OSGIN1: variants seen among roughly 807,000 people sequenced by gnomAD.
OSGIN1 encodes oxidative stress induced growth inhibitor 1.
A neutral mutation model predicts 20.1 loss-of-function variants in OSGIN1; 19 were observed. That is an observed-to-expected ratio of 0.95 (90% CI 0.66 to 1.39). The LOEUF (loss-of-function observed/expected upper bound fraction) is 1.39. OSGIN1 is among the 40% of genes most tolerant of loss of function. The pLI is 0.00. For synonymous variants in OSGIN1, 368 were observed against 297.8 expected, an observed-to-expected ratio of 1.24 and a Z score of -2.43; for missense variants, 820 against 653.0, an observed-to-expected ratio of 1.26 and a Z score of -2.79.
At chr16:83,956,598 C>A (rs574485200) in intron 1 of OSGIN1, among the ~76,000 whole-genome samples, 2 of 152,320 alleles carry the variant, frequency 1.3e-5, no homozygotes, top group East Asian at 3.9e-4. Flanking sequence ...CTGTGTGACA[C>A]TGAGAAGTTT....
Position 83,953,247 on chromosome 16 carries a change from C to G in OSGIN1, c.-156C>G, listed in dbSNP as rs1206881280. The G allele has an allele frequency of 1.6e-6, 2 of 1,285,526 alleles. No homozygotes were observed. The highest frequency in any genetic ancestry group is 5.6e-5 in the East Asian group (1 of 17,908). 79.6% of individuals were successfully genotyped at this position (1,285,526 alleles called of 1,614,324 possible). On this transcript the variant is annotated 5_prime_UTR_variant, in exon 1 of 6. Transcript: ENST00000393306. ...ACTTCCCTCTGGCCTCTCAGAGCCT[C>G]TTGGATCCCCACAGGGTAATGGGTG...
At position 83,966,041 on chromosome 16, in the gene OSGIN1, A is replaced by G; in HGVS notation, c.*34A>G. ...CAGACCCGCTGGCTCCCAGGCCCTG[A>G]GAGGACAGAGATGACCACATCCCTG... is the stretch of plus-strand genomic sequence containing the variant. On this transcript the variant is annotated 3_prime_UTR_variant, in exon 6 of 6. Transcript: ENST00000393306. 6.9e-7 allele frequency: 1 copy of G among 1,442,096 alleles called. No individual in the cohort carries two copies. Among genetic ancestry groups the G allele is most frequent in the Non-Finnish European group, 9.2e-7 (1 of 1,083,688 alleles). The allele number at this position is 1,442,096 out of a possible 1,614,324, so 89.3% of individuals were successfully genotyped here. A position where few individuals can be genotyped will look rare whatever the true frequency, so the allele number is the denominator to read the frequency against.
rs575292233 is a variant in OSGIN1 at position 83,956,286 on chromosome 16, G to C, written c.-32-1354G>C. ...CTGCACACATCAGAGGCCACACACT[G>C]GTCTCAGCTGTGTTTGGTTGGCCTT... On this transcript the variant is annotated intron_variant, in intron 1 of 5. Coordinates refer to ENST00000393306, the MANE Select transcript of OSGIN1 (RefSeq NM_182981.3). Among the ~76,000 whole-genome samples, 5 of 152,338 alleles carry C rather than the reference G, an allele frequency of 3.3e-5. No homozygotes were observed. In the South Asian group the frequency reaches 1.0e-3, roughly 32 times the overall value.
In OSGIN1 at chr16:83,960,634, T is replaced by C. The variant is rs759820408; in HGVS notation, c.270T>C (p.Asp90=). 10 of 1,613,576 alleles carry C rather than the reference T, an allele frequency of 6.2e-6. No homozygotes were observed. The highest frequency in any genetic ancestry group is 7.6e-6 in the Non-Finnish European group (9 of 1,180,016). ...RSQSPVALLF[D]ALLRPDTDFG... is the part of the protein sequence containing the mutation. Reference sequence around the variant, plus strand: ...AAAGCCCCGTGGCCCTGCTCTTTGATGCCCTTCTACGCCCAGACACAGACT... The same window carrying C: ...AAAGCCCCGTGGCCCTGCTCTTTGACGCCCTTCTACGCCCAGACACAGACT... Residue 90 remains aspartate (D), a synonymous_variant, in exon 4 of 6, where the codon GAT becomes GAC. Transcript: ENST00000393306.
chr16:83,959,461 T>C, intron 3 of OSGIN1, 65 bp downstream of exon 3: 3 of 1,475,490 alleles, frequency 2.0e-6, no homozygotes, highest in Non-Finnish European at 2.7e-6. Context: ...TACCGCCGCT[T>C]TCCCAGGGAA....
rs775924318 is a variant in OSGIN1 at position 83,965,053 on chromosome 16, C to A, written c.489-9C>A. 2.0e-6 allele frequency: 3 copies of A among 1,495,952 alleles called. No individual in the cohort carries two copies. Among genetic ancestry groups the A allele is most frequent in the Admixed American group, 1.8e-5 (1 of 55,618 alleles). The allele number at this position is 1,495,952 out of a possible 1,614,324, so 92.7% of individuals were successfully genotyped here. ...GTCTGACTCTGGCGTCCTGCATCCTCCCCAACAGAGGTCTTCGCAACAGCC... is the reference window on the plus strand; with the variant it reads ...GTCTGACTCTGGCGTCCTGCATCCTACCCAACAGAGGTCTTCGCAACAGCC... On this transcript the variant is annotated splice_polypyrimidine_tract_variant and intron_variant, in intron 5 of 5. Transcript: ENST00000393306.
intron 1 of OSGIN1, among the ~76,000 whole-genome samples, chr16:83,957,340 AC>A (rs1238226608): frequency 1.3e-5 from 2 of 152,034 alleles, no homozygotes; most frequent in African/African-American, 2.4e-5. Context: ...GGGGACTGTT[AC>A]TGCCCCAGTG....
intron 3 of OSGIN1, among the ~76,000 whole-genome samples, 186 bp downstream of exon 3, chr16:83,959,582 G>A (rs1326344148): frequency 6.6e-6 from 1 of 152,186 alleles, no homozygotes; most frequent in Non-Finnish European, 1.5e-5. Context: ...AATGCCACAC[G>A]ATCTAGGGCT....
chr16:83,962,131 AT>A (rs1225839458), intron 5 of OSGIN1, among the ~76,000 whole-genome samples: 2 of 151,890 alleles, frequency 1.3e-5, no homozygotes, highest in African/African-American at 4.8e-5. Flanking sequence ...CTCCTGGGGT[AT>A]TTTTTCCCCA....
intron 5 of OSGIN1, among the ~76,000 whole-genome samples, chr16:83,963,874 G>A (rs896382005): frequency 2.0e-5 from 3 of 152,226 alleles, no homozygotes; most frequent in Non-Finnish European, 4.4e-5. Context: ...GAATGGGCCT[G>A]CAGTCACTGC....
chr16:83,965,852 A>G lies in OSGIN1; in HGVS notation c.1279A>G (p.Ile427Val), dbSNP rs2084274351. ...GCCGCTGAGCGCCAAGAGGAACCCC[A>G]TTGACGTGGACCCCTTCACCTACCA... ...DQPLSAKRNP[I>V]DVDPFTYQST... Residue 427 changes from isoleucine to valine, a missense_variant, in exon 6 of 6, where the codon ATT (isoleucine) becomes GTT (valine). Coordinates refer to ENST00000393306, the MANE Select transcript of OSGIN1 (RefSeq NM_182981.3). 1 of 1,612,922 alleles carries G rather than the reference A, an allele frequency of 6.2e-7. No homozygotes were observed. Among genetic ancestry groups the G allele is most frequent in the Non-Finnish European group, 8.5e-7 (1 of 1,179,988 alleles).
chr16:83,960,065 A>G (rs2151076917), intron 3 of OSGIN1, among the ~76,000 whole-genome samples: 1 of 152,250 alleles, frequency 6.6e-6, no homozygotes, highest in African/African-American at 2.4e-5. Context: ...AGATGAGGAA[A>G]TAGGTCTTGA....
chr16:83,960,039 C>T (rs1364734903), intron 3 of OSGIN1, among the ~76,000 whole-genome samples: 1 of 152,178 alleles, frequency 6.6e-6, no homozygotes, highest in African/African-American at 2.4e-5. Context: ...CTGTTCCCTT[C>T]CCGCCCCTGA....
chr16:83,961,952 C>G (rs1170824656), intron 5 of OSGIN1, among the ~76,000 whole-genome samples: 1 of 147,236 alleles, frequency 6.8e-6, no homozygotes. Flanking sequence ...GGGTGACTTT[C>G]TTTTTTCTTT....
chr16:83,953,631 G>T (rs1220876396), intron 1 of OSGIN1, among the ~76,000 whole-genome samples: 2 of 152,232 alleles, frequency 1.3e-5, no homozygotes, highest in Non-Finnish European at 2.9e-5. Flanking sequence ...CACAGTCCCA[G>T]CGTACCCTGG....
At chr16:83,953,508 G>T in intron 1 of OSGIN1, 138 bp downstream of exon 1, 1 of 639,484 alleles carries the variant, frequency 1.6e-6, no homozygotes, top group South Asian at 1.9e-5. Flanking sequence ...GGAGGCCCTC[G>T]CCTGGGTTCT....
chr16:83,953,473 G>A, intron 1 of OSGIN1, 103 bp downstream of exon 1: 2 of 1,110,450 alleles, frequency 1.8e-6, no homozygotes, highest in Non-Finnish European at 2.4e-6. Context: ...CTGGCGCCAG[G>A]CGGGGGTCCC....
rs201580564 is a variant in OSGIN1 at position 83,960,622 on chromosome 16, C to G, written c.258C>G (p.Ala86=). ...AAGGCCGATCCCAAAGCCCCGTGGCCCTGCTCTTTGATGCCCTTCTACGCC... is the reference window on the plus strand; with the variant it reads ...AAGGCCGATCCCAAAGCCCCGTGGCGCTGCTCTTTGATGCCCTTCTACGCC... ...GLEGRSQSPV[A]LLFDALLRPD... The change falls in exon 4 of 6, where the codon GCC becomes GCG. Residue 86 remains alanine, a synonymous_variant. Coordinates refer to ENST00000393306, the MANE Select transcript of OSGIN1 (RefSeq NM_182981.3). 14 of 1,613,540 alleles carry G rather than the reference C, an allele frequency of 8.7e-6. No homozygotes were observed. Among genetic ancestry groups the G allele is most frequent in the Non-Finnish European group, 1.2e-5 (14 of 1,180,034 alleles).
intron 5 of OSGIN1, 70 bp from the exon 6 acceptor site, chr16:83,964,992 T>TCTACC: frequency 1.4e-5 from 13 of 932,330 alleles, no homozygotes; most frequent in Non-Finnish European, 1.0e-5. Context: ...GCCCTGGACA[T>TCTACC]CTCCCGTCCC....
Sources: allele counts gnomAD v4.1 joint callset (sites outside exome capture counted in the v4.1 genomes callset), GRCh38; gene constraint gnomAD v4.1.1; transcripts MANE v1.5; gene names NCBI Gene and HGNC (gene_info 2026-07-23, HGNC 2026-07-21).